CORO1C: variants seen among roughly 807,000 people sequenced by gnomAD.
CORO1C encodes coronin 1C, also known as coronin-1C.
Under a neutral mutation model 51.2 loss-of-function variants are expected in CORO1C, and 14 were observed. That is an observed-to-expected ratio of 0.27 (90% CI 0.18 to 0.43). The LOEUF is 0.43. Ranked by LOEUF, CORO1C falls within the 20% of genes least tolerant of loss-of-function variation. The pLI is 1.00. For synonymous variants in CORO1C, 181 were observed against 210.5 expected, an observed-to-expected ratio of 0.86 and a Z score of 1.21; for missense variants, 417 against 607.8, an observed-to-expected ratio of 0.69 and a Z score of 3.30.
intron 1 of CORO1C, among the ~76,000 whole-genome samples, chr12:108,719,135 T>A (rs1428638084): frequency 6.6e-6 from 1 of 152,222 alleles, no homozygotes; most frequent in African/African-American, 2.4e-5. Context: ...AAAATTATAA[T>A]CTTTAATTCT....
intron 3 of CORO1C, among the ~76,000 whole-genome samples, chr12:108,674,427 A>C (rs1007428767): frequency 2.6e-5 from 4 of 152,116 alleles, no homozygotes; most frequent in African/African-American, 9.7e-5. Context: ...ACATGACTGT[A>C]GTCCCAGCTA....
chr12:108,694,362 G>C (rs185318072), intron 2 of CORO1C, among the ~76,000 whole-genome samples: 1 of 148,876 alleles, frequency 6.7e-6, no homozygotes, highest in Non-Finnish European at 1.5e-5. Context: ...ATATGTGAAT[G>C]AATGAATGTG....
At chr12:108,703,109 C>T in intron 1 of CORO1C, 2 of 594,294 alleles carry the variant, frequency 3.4e-6, no homozygotes, top group Non-Finnish European at 2.7e-6. Context: ...CAACGTACAG[C>T]CAGCTGGTCT....
chr12:108,721,368 T>C (rs572773664), intron 1 of CORO1C, among the ~76,000 whole-genome samples: 1 of 152,328 alleles, frequency 6.6e-6, no homozygotes, highest in Admixed American at 6.5e-5. Context: ...TCAGGCAGGA[T>C]CTCACTCCCA....
chr12:108,649,324 T>C (rs2136791448), intron 8 of CORO1C: 1 of 426,384 alleles, frequency 2.3e-6, no homozygotes, highest in Non-Finnish European at 4.2e-6. Context: ...GTGGAAATAA[T>C]AGCAACACTG....
At chr12:108,666,799 G>A (rs1353898091) in intron 3 of CORO1C, among the ~76,000 whole-genome samples, 1 of 152,128 alleles carries the variant, frequency 6.6e-6, no homozygotes, top group Admixed American at 6.5e-5. Flanking sequence ...CTTACTCAGG[G>A]GTTATTAGAA....
chr12:108,661,969 C>T (rs1385411018), intron 4 of CORO1C, 60 bp downstream of exon 4: 14 of 1,595,858 alleles, frequency 8.8e-6, no homozygotes, highest in African/African-American at 4.0e-5. Flanking sequence ...TTTGCTTCCC[C>T]CCACTCAGAG....
At chr12:108,702,948 A>G in intron 1 of CORO1C, 3 of 1,529,920 alleles carry the variant, frequency 2.0e-6, no homozygotes, top group South Asian at 2.4e-5. Flanking sequence ...AGGGCCATAC[A>G]TTTTGAGTCT....
At chr12:108,716,283 A>G (rs1417645281) in intron 1 of CORO1C, among the ~76,000 whole-genome samples, 7 of 152,118 alleles carry the variant, frequency 4.6e-5, no homozygotes, top group African/African-American at 1.4e-4. Context: ...CTACTTAGTC[A>G]TATGGAGTAG....
intron 1 of CORO1C, among the ~76,000 whole-genome samples, chr12:108,712,174 C>T (rs531743774): frequency 3.4e-4 from 52 of 152,010 alleles, no homozygotes; most frequent in Non-Finnish European, 7.1e-4. Flanking sequence ...AGAAGAGATC[C>T]GATGTGTTAT....
At chr12:108,675,187 T>C (rs893664693) in intron 3 of CORO1C, among the ~76,000 whole-genome samples, 2 of 152,150 alleles carry the variant, frequency 1.3e-5, no homozygotes, top group Admixed American at 1.3e-4. Context: ...AATGTATATA[T>C]ATATATACAT....
At chr12:108,702,831 A>G (rs2034916482) in intron 1 of CORO1C, 1 of 1,535,008 alleles carries the variant, frequency 6.5e-7, no homozygotes. Flanking sequence ...CCTCTCTCCA[A>G]TGCTGGGGGC....
chr12:108,687,128 G>T (rs981166856), intron 2 of CORO1C, among the ~76,000 whole-genome samples: 3 of 152,122 alleles, frequency 2.0e-5, no homozygotes, highest in African/African-American at 7.2e-5. Context: ...ACAGAGTTAG[G>T]CAACATTTCC....
chr12:108,713,516 C>A (rs2035242220), intron 1 of CORO1C, among the ~76,000 whole-genome samples: 1 of 152,272 alleles, frequency 6.6e-6, no homozygotes, highest in Admixed American at 6.5e-5. Context: ...AACTCAATAT[C>A]ATTTAGTTTT....
intron 2 of CORO1C, among the ~76,000 whole-genome samples, chr12:108,682,495 C>A (rs1481735630): frequency 1.3e-5 from 2 of 152,052 alleles, no homozygotes; most frequent in African/African-American, 2.4e-5. Flanking sequence ...AGTTATATTG[C>A]CACTATAAAC....
rs200628009 is a variant in CORO1C, at chr12:108,701,127, G to A, written c.192C>T (p.His64=). Residue 64 remains histidine, a synonymous_variant, in exon 2 of 11, where the codon CAC becomes CAT. Coordinates refer to ENST00000261401, the MANE Select transcript of CORO1C (RefSeq NM_014325.4). The part of the protein sequence containing the change: ...GGGAFLVLPL[H]KTGRIDKSYP... ...AATGGAAGATCAAATTACCTACCTTGTGCAGAGGGAGGACAAGGAACGCTC... is the reference window on the plus strand; with the variant it reads ...AATGGAAGATCAAATTACCTACCTTATGCAGAGGGAGGACAAGGAACGCTC... The A allele has an allele frequency of 1.2e-5, 20 of 1,613,934 alleles. No individual in the cohort carries two copies. The highest frequency in any genetic ancestry group is 1.5e-5 in the Non-Finnish European group (18 of 1,179,952).
At chr12:108,655,557 T>G (rs1017146891) in intron 6 of CORO1C, among the ~76,000 whole-genome samples, 1 of 152,218 alleles carries the variant, frequency 6.6e-6, no homozygotes, top group Admixed American at 6.5e-5. Context: ...TTTTCGTATT[T>G]TTTTGGTGGA....
At chr12:108,729,470 A>G (rs901055274) in intron 1 of CORO1C, among the ~76,000 whole-genome samples, 3 of 152,190 alleles carry the variant, frequency 2.0e-5, no homozygotes, top group African/African-American at 7.2e-5. Flanking sequence ...TAGGTTCTAT[A>G]TTTGTCAAAA....
rs748288525 is a variant in CORO1C at position 108,714,313 on chromosome 12, C to T, written c.-5-12990G>A. On this transcript the variant is annotated intron_variant, in intron 1 of 10. Transcript: ENST00000261401. ...CTGAGGCAGGAGAATTGCTTGAACC[C>T]GGGAGGCAGATGTTGCAGTGAGCCA... Among the ~76,000 whole-genome samples, 48 of 148,106 alleles carry T rather than the reference C, an allele frequency of 3.2e-4. 1 individual carries two copies. Among genetic ancestry groups the T allele is most frequent in the Middle Eastern group, 7.2e-3 (2 of 278 alleles).
Sources: allele counts gnomAD v4.1 joint callset (sites outside exome capture counted in the v4.1 genomes callset), GRCh38; gene constraint gnomAD v4.1.1; transcripts MANE v1.5; gene names NCBI Gene and HGNC (gene_info 2026-07-23, HGNC 2026-07-21).